Variants in PRRC2C observed in about 807,000 individuals in gnomAD.
The protein encoded by PRRC2C is protein PRRC2C.
Under a neutral mutation model 317.2 loss-of-function variants are expected in PRRC2C, and 72 were observed. The observed-to-expected ratio is 0.23, with a 90% CI of 0.19 to 0.28. The LOEUF (loss-of-function observed/expected upper bound fraction) is 0.28. Among genes scored for constraint, PRRC2C ranks in the 10% least tolerant of loss-of-function variants. PRRC2C has a pLI of 1.00. For synonymous variants in PRRC2C, 1,296 were observed against 1,205.9 expected (o/e 1.07, Z -1.55); for missense variants, 3,074 against 3,459.7 (o/e 0.89, Z 2.80).
chr1:171,566,149 T>C (rs1280205050), intron 20 of PRRC2C, 84 bp from the exon 21 acceptor site: 3 of 1,084,814 alleles, frequency 2.8e-6, no homozygotes, highest in South Asian at 3.5e-5. Context: ...AACCTTCTAT[T>C]GTACTTAAAC....
At chr1:171,512,263 CCTG>C in intron 2 of PRRC2C, 63 bp downstream of exon 2, 1 of 1,168,480 alleles carries the variant, frequency 8.6e-7, no homozygotes, top group Non-Finnish European at 1.2e-6. Context: ...AAGTGATACA[CCTG>C]CTGCTATGAG....
rs1181689792 is a variant in PRRC2C, at chr1:171,485,670, C to G, written c.-123C>G. 2 of 152,670 alleles carry G rather than the reference C, an allele frequency of 1.3e-5. No homozygotes were observed. The highest frequency in any genetic ancestry group is 4.8e-5 in the African/African-American group (2 of 41,478). The allele number at this position is 152,670 out of a possible 1,614,324, so 9.5% of individuals were successfully genotyped here. A position where few individuals can be genotyped will look rare whatever the true frequency, so the allele number is the denominator to read the frequency against. On this transcript the variant is annotated 5_prime_UTR_variant, in exon 1 of 35. Transcript: ENST00000647382. ...CCCCTTTAACCCCAGCTTTCCCTCC[C>G]CCTTCTTTCGATCAGAGATCGGCGG...
intron 28 of PRRC2C, among the ~76,000 whole-genome samples, chr1:171,583,449 G>C (rs927911842): frequency 6.6e-6 from 1 of 152,202 alleles, no homozygotes; most frequent in Admixed American, 6.5e-5. Flanking sequence ...GTCTTCAGGG[G>C]CAGTAACACA....
intron 20 of PRRC2C, among the ~76,000 whole-genome samples, chr1:171,563,215 G>A (rs551031608): frequency 2.6e-5 from 4 of 152,112 alleles, no homozygotes; most frequent in Non-Finnish European, 4.4e-5. Context: ...CACCACCATA[G>A]AAACCAAAAC....
Position 171,540,336 on chromosome 1 carries a change from A to T in PRRC2C, c.2870A>T (p.Asp957Val). The change falls in exon 16 of 35, where the codon GAT becomes GTT. Residue 957 changes from aspartate (D) to valine (V), a missense_variant. Transcript: ENST00000647382. ...GIPKVTSRCI[D>V]SKEPIERPEE... Reference sequence around the variant, plus strand: ...CCTAAAGTAACCAGCAGATGCATTGATTCAAAAGAACCAATAGAAAGGCCA... The same window carrying T: ...CCTAAAGTAACCAGCAGATGCATTGTTTCAAAAGAACCAATAGAAAGGCCA... The T allele has an allele frequency of 6.2e-7, 1 of 1,613,414 alleles. No individual in the cohort carries two copies. The highest frequency in any genetic ancestry group is 1.1e-5 in the South Asian group (1 of 90,964).
intron 23 of PRRC2C, among the ~76,000 whole-genome samples, chr1:171,569,474 TCA>T (rs1446268764): frequency 6.7e-6 from 1 of 149,600 alleles, no homozygotes; most frequent in African/African-American, 2.5e-5. Flanking sequence ...AAGGAGTGAG[TCA>T]CATATTTTTT....
At position 171,583,181 on chromosome 1, in the gene PRRC2C, C is replaced by T. The variant is rs554146566; in HGVS notation, c.7410-775C>T. ...TAGAGATGATGTCTTGTTCTCTTGC[C>T]CAGGCTGGTCTCAAATTCCTGGCCT... On this transcript the variant is annotated intron_variant, in intron 28 of 34. Coordinates refer to ENST00000647382, the MANE Select transcript of PRRC2C (RefSeq NM_001387844.1). 1.8e-4 allele frequency among the ~76,000 whole-genome samples: 27 copies of T among 152,206 alleles called. 1 individual carries two copies. In the South Asian group the frequency reaches 5.6e-3, roughly 32 times the overall value.
intron 3 of PRRC2C, among the ~76,000 whole-genome samples, chr1:171,514,262 ATG>A (rs10531775): frequency 0.42 from 62,121 of 148,326 alleles, 12,991 homozygotes; most frequent in East Asian, 0.62. Flanking sequence ...GTGTGTGTGT[ATG>A]TGTGTGTGTG....
chr1:171,490,932 A>T (rs990489702), intron 1 of PRRC2C, among the ~76,000 whole-genome samples: 2 of 152,226 alleles, frequency 1.3e-5, no homozygotes, highest in African/African-American at 4.8e-5. Flanking sequence ...ACCTGGCTTA[A>T]GTTTTAAATA....
rs1289965445 is a variant in PRRC2C, at chr1:171,523,202, A to G, written c.834-19A>G. 2 of 1,585,142 alleles carry G rather than the reference A, an allele frequency of 1.3e-6. No individual in the cohort carries two copies. The highest frequency in any genetic ancestry group is 1.7e-6 in the Non-Finnish European group (2 of 1,169,858). Reference sequence around the variant, plus strand: ...TATCATAAACTTTTGTATCTTTTCCATGACCTGCCTTTCATTAGAGGCCTT... The same window carrying G: ...TATCATAAACTTTTGTATCTTTTCCGTGACCTGCCTTTCATTAGAGGCCTT... On this transcript the variant is annotated intron_variant, in intron 7 of 34. Transcript: ENST00000647382.
intron 1 of PRRC2C, among the ~76,000 whole-genome samples, chr1:171,486,854 T>C (rs539890557): frequency 6.6e-6 from 1 of 152,332 alleles, no homozygotes; most frequent in South Asian, 2.1e-4. Context: ...TTTTCAAAAC[T>C]AGATTTCACC....
At chr1:171,587,444 G>A (rs1558059570) in intron 31 of PRRC2C, among the ~76,000 whole-genome samples, 2 of 152,062 alleles carry the variant, frequency 1.3e-5, no homozygotes, top group Non-Finnish European at 2.9e-5. Flanking sequence ...TGGAAGAATT[G>A]GATTTATAGT....
intron 6 of PRRC2C, among the ~76,000 whole-genome samples, chr1:171,521,500 C>T (rs1003288841): frequency 6.6e-6 from 1 of 152,192 alleles, no homozygotes; most frequent in African/African-American, 2.4e-5. Flanking sequence ...GAGAATTCAC[C>T]TATGCCATAT....
chr1:171,585,429 G>T (rs757108902), intron 30 of PRRC2C, among the ~76,000 whole-genome samples: 1 of 109,406 alleles, frequency 9.1e-6, no homozygotes, highest in Non-Finnish European at 1.9e-5. Flanking sequence ...TTCTTTAAAA[G>T]TGGTGGAGGG....
At chr1:171,523,581 C>A in intron 9 of PRRC2C, 59 bp downstream of exon 9, 1 of 1,339,944 alleles carries the variant, frequency 7.5e-7, no homozygotes, top group Non-Finnish European at 1.0e-6. Flanking sequence ...ATATTAGCTA[C>A]TTATGCAAAG....
At chr1:171,551,251 C>T (rs982915204) in intron 18 of PRRC2C, among the ~76,000 whole-genome samples, 1 of 152,154 alleles carries the variant, frequency 6.6e-6, no homozygotes. Context: ...CTGCTGGCTG[C>T]GTATATGTCT....
chr1:171,520,549 C>T (rs1673354886), intron 6 of PRRC2C, among the ~76,000 whole-genome samples: 1 of 152,120 alleles, frequency 6.6e-6, no homozygotes, highest in Non-Finnish European at 1.5e-5. Flanking sequence ...AATTTTCTGG[C>T]AAATTCCTAG....
At chr1:171,514,755 G>A (rs924783992) in intron 4 of PRRC2C, 110 bp downstream of exon 4, 2 of 939,084 alleles carry the variant, frequency 2.1e-6, no homozygotes, top group Non-Finnish European at 3.2e-6. Context: ...CATTGTTAAA[G>A]GATATACTCA....
rs368167030 is a variant in PRRC2C, at chr1:171,554,055, T to C, written c.5128-3185T>C. On this transcript the variant is annotated intron_variant, in intron 18 of 34. Coordinates refer to ENST00000647382, the MANE Select transcript of PRRC2C (RefSeq NM_001387844.1). ...TTCTGTCTCATTGATCTGTCTAATATTGACAATGGGGTGTTAAAGTCTCCC... is the reference window on the plus strand; with the variant it reads ...TTCTGTCTCATTGATCTGTCTAATACTGACAATGGGGTGTTAAAGTCTCCC... Among the ~76,000 whole-genome samples, 8 of 152,334 alleles carry C rather than the reference T, an allele frequency of 5.3e-5. No homozygotes were observed. In the East Asian group the frequency reaches 1.2e-3, roughly 22 times the overall value.
Sources: allele counts gnomAD v4.1 joint callset (sites outside exome capture counted in the v4.1 genomes callset), GRCh38; gene constraint gnomAD v4.1.1; transcripts MANE v1.5; gene names NCBI Gene and HGNC (gene_info 2026-07-23, HGNC 2026-07-21).